ZNF98: variants seen among roughly 807,000 people sequenced by gnomAD.
ZNF98 encodes zinc finger protein 98.
In ZNF98, 8 loss-of-function variants were observed where a neutral mutation model predicts 12.8. The observed-to-expected ratio is 0.63, with a 90% CI of 0.37 to 1.13. ZNF98 has a LOEUF of 1.13. ZNF98 is among the 50% of genes most tolerant of loss of function. ZNF98 has a pLI of 0.01. For synonymous variants in ZNF98, 112 were observed against 223.5 expected, an observed-to-expected ratio of 0.50 and a Z score of 4.45; for missense variants, 379 against 666.1, an observed-to-expected ratio of 0.57 and a Z score of 4.74.
At chr19:22,397,984 A>G (rs1301131360) in intron 3 of ZNF98, among the ~76,000 whole-genome samples, 2 of 151,776 alleles carry the variant, frequency 1.3e-5, no homozygotes, top group South Asian at 2.1e-4. Flanking sequence ...ATATGGTCAC[A>G]TGAAGAGTCA....
chr19:22,407,305 C>T (rs1049247401), intron 1 of ZNF98, among the ~76,000 whole-genome samples: 2 of 151,770 alleles, frequency 1.3e-5, no homozygotes, highest in Non-Finnish European at 2.9e-5. Flanking sequence ...GATCCCCCTG[C>T]CTTGGCTTCC....
In ZNF98 at chr19:22,421,728, A is replaced by G. The variant is rs539799642; in HGVS notation, c.30+467T>C. ...ACAACCCATAGCTGGGAGCTCTACA[A>G]TTTTTGAACCGCTCCTTGTTTAAAT... is the stretch of plus-strand genomic sequence containing the variant. On this transcript the variant is annotated intron_variant, in intron 1 of 3. Coordinates refer to ENST00000357774, the MANE Select transcript of ZNF98 (RefSeq NM_001098626.2). Among the ~76,000 whole-genome samples, 25 of 152,268 alleles carry G rather than the reference A, an allele frequency of 1.6e-4. No individual in the cohort carries two copies. The East Asian group carries it at 4.6e-3, about 28-fold the overall frequency.
At chr19:22,408,039 G>A (rs1323149971) in intron 1 of ZNF98, among the ~76,000 whole-genome samples, 1 of 151,978 alleles carries the variant, frequency 6.6e-6, no homozygotes, top group South Asian at 2.1e-4. Context: ...CCACTGCACT[G>A]GACAACAAGT....
At position 22,391,368 on chromosome 19, in the gene ZNF98, A is replaced by G; in HGVS notation, c.*148T>C. 1 of 1,437,860 alleles carries G rather than the reference A, an allele frequency of 7.0e-7. No individual in the cohort carries two copies. Among genetic ancestry groups the G allele is most frequent in the South Asian group, 1.5e-5 (1 of 65,708 alleles). 89.1% of individuals were successfully genotyped at this position (1,437,860 alleles called of 1,614,324 possible). ...ATTTGTACATTTGTTCTCATCAAGT[A>G]TAAAGGCTTTCCTGTGCAATAAGGT... On this transcript the variant is annotated 3_prime_UTR_variant, in exon 4 of 4. Coordinates refer to ENST00000357774, the MANE Select transcript of ZNF98 (RefSeq NM_001098626.2).
intron 1 of ZNF98, among the ~76,000 whole-genome samples, chr19:22,413,253 T>TA (rs34089940): frequency 0.36 from 53,955 of 151,250 alleles, 10,968 homozygotes; most frequent in Non-Finnish European, 0.46. Flanking sequence ...TTAGGCAAGA[T>TA]AAAAAAATAA....
intron 3 of ZNF98, among the ~76,000 whole-genome samples, chr19:22,400,902 G>A (rs1358996313): frequency 1.8e-4 from 26 of 144,058 alleles, no homozygotes; most frequent in South Asian, 4.3e-4. Context: ...GCAGTGAGCC[G>A]AGGCCGCGCC....
At chr19:22,416,181 A>T (rs2145122395) in intron 1 of ZNF98, among the ~76,000 whole-genome samples, 1 of 151,132 alleles carries the variant, frequency 6.6e-6, no homozygotes, top group Admixed American at 6.6e-5. Context: ...TAAGAAAAAT[A>T]AAGTATGGGC....
chr19:22,413,555 A>G (rs1969603680), intron 1 of ZNF98, among the ~76,000 whole-genome samples: 2 of 152,048 alleles, frequency 1.3e-5, no homozygotes, highest in African/African-American at 4.8e-5. Flanking sequence ...TTATGACAAC[A>G]CTGTGAAAAC....
rs764857695 is a variant in ZNF98, at chr19:22,403,447, G to A, written c.96C>T (p.Thr32=). 31 of 1,609,660 alleles carry A rather than the reference G, an allele frequency of 1.9e-5. No homozygotes were observed. The highest frequency in any genetic ancestry group is 1.6e-4 in the Middle Eastern group (1 of 6,068). The change falls in exon 2 of 4, where the codon ACC becomes ACT. Residue 32 remains threonine, a synonymous_variant. Transcript: ENST00000357774. ...FSLEEWQCLD[T]AQQNLYRNVM... is the part of the protein sequence containing the mutation. The stretch of plus-strand genomic sequence containing the variant: ...CATTCCTATATAAATTCTGCTGTGC[G>A]GTGTCCAGGCATTGCCACTCCTCCA...
chr19:22,397,451 C>T (rs1045796518), intron 3 of ZNF98, among the ~76,000 whole-genome samples: 1 of 152,120 alleles, frequency 6.6e-6, no homozygotes, highest in African/African-American at 2.4e-5. Flanking sequence ...CCAGGACACA[C>T]ATGGTTCTCA....
At position 22,393,000 on chromosome 19, in the gene ZNF98, A is replaced by G. The variant is rs1380508497; in HGVS notation, c.254-19T>C. 1.8e-5 allele frequency: 27 copies of G among 1,473,414 alleles called. No individual in the cohort carries two copies. Among genetic ancestry groups the G allele is most frequent in the Non-Finnish European group, 2.2e-5 (24 of 1,114,964 alleles). 91.3% of individuals were successfully genotyped at this position (1,473,414 alleles called of 1,614,324 possible). On this transcript the variant is annotated intron_variant, in intron 3 of 3. Coordinates refer to ENST00000357774, the MANE Select transcript of ZNF98 (RefSeq NM_001098626.2). Reference sequence around the variant, plus strand: ...TATACAACTGAAAGAAATAAAAATAATAAATTACTTCACTTACTAGACTCA... The same window carrying G: ...TATACAACTGAAAGAAATAAAAATAGTAAATTACTTCACTTACTAGACTCA...
At chr19:22,413,086 A>T (rs868189213) in intron 1 of ZNF98, among the ~76,000 whole-genome samples, 32 of 151,964 alleles carry the variant, frequency 2.1e-4, no homozygotes, top group Middle Eastern at 6.8e-3. Context: ...AAATAAAAAA[A>T]AATAATAATA....
chr19:22,396,683 T>A (rs2145109162), intron 3 of ZNF98, among the ~76,000 whole-genome samples: 1 of 152,236 alleles, frequency 6.6e-6, no homozygotes, highest in Non-Finnish European at 1.5e-5. Flanking sequence ...GATGGAAGAA[T>A]ACATTTCATG....
chr19:22,397,876 A>G (rs1039303145), intron 3 of ZNF98, among the ~76,000 whole-genome samples: 2 of 149,458 alleles, frequency 1.3e-5, no homozygotes, highest in Admixed American at 1.4e-4. Context: ...CCTGATTTCA[A>G]AACACAAAGC....
intron 3 of ZNF98, among the ~76,000 whole-genome samples, chr19:22,400,351 T>C (rs1354047687): frequency 2.6e-5 from 4 of 152,176 alleles, no homozygotes; most frequent in Non-Finnish European, 5.9e-5. Context: ...TCCTCTCTGG[T>C]ACTCAGTGAA....
Position 22,407,656 on chromosome 19 carries a change from G to T in ZNF98, c.31-4144C>A, listed in dbSNP as rs1327977214. 2.0e-5 allele frequency among the ~76,000 whole-genome samples: 3 copies of T among 151,930 alleles called. No homozygotes were observed. The East Asian group carries it at 5.9e-4, about 30-fold the overall frequency. On this transcript the variant is annotated intron_variant, in intron 1 of 3. Coordinates refer to ENST00000357774, the MANE Select transcript of ZNF98 (RefSeq NM_001098626.2). ...GAACCCGGGAGGCGGAGGTTGCAGT[G>T]AGCCGAGATAATGCCACTATACTCC...
chr19:22,400,918 A>G (rs2145112084), intron 3 of ZNF98, among the ~76,000 whole-genome samples: 1 of 142,228 alleles, frequency 7.0e-6, no homozygotes, highest in Non-Finnish European at 1.5e-5. Flanking sequence ...GCGCCACTGC[A>G]CTCCAGTCTC....
At chr19:22,419,091 T>C (rs561671082) in intron 1 of ZNF98, among the ~76,000 whole-genome samples, 1 of 152,276 alleles carries the variant, frequency 6.6e-6, no homozygotes, top group African/African-American at 2.4e-5. Flanking sequence ...CCATTTGCCA[T>C]TTCCCTCCCA....
Position 22,392,913 on chromosome 19 carries a change from TCA to T in ZNF98, c.320_321del (p.Val107AspfsTer6), listed in dbSNP as rs867286764. On this transcript the variant is annotated frameshift_variant, in exon 4 of 4. Transcript: ENST00000357774. LOFTEE classifies it low-confidence loss of function (END_TRUNC). ...KQGKKNYFQK[V>X]ILRTYKKCGR... ...CCACATTTTTTATATGTTCTCAGTA[TCA>T]CTTTTTGGAAATAATTTTTTTTGCC... 1 of 1,592,292 alleles carries T rather than the reference TCA, an allele frequency of 6.3e-7. No homozygotes were observed. The highest frequency in any genetic ancestry group is 8.5e-7 in the Non-Finnish European group (1 of 1,173,150).
Sources: gnomAD v4.1 joint callset for allele counts (sites outside exome capture counted in the v4.1 genomes callset) on GRCh38, gnomAD v4.1.1 for gene constraint, MANE v1.5 for transcripts, NCBI Gene and HGNC (gene_info 2026-07-23, HGNC 2026-07-21) for gene names.